The following DYNC2I2 variants were observed in gnomAD, a reference collection of about 807,000 sequenced individuals.
DYNC2I2 encodes the protein cytoplasmic dynein 2 intermediate chain 2.
Under a neutral mutation model 52.0 loss-of-function variants are expected in DYNC2I2, and 39 were observed. The observed-to-expected ratio is 0.75, with a 90% CI of 0.58 to 0.98. DYNC2I2 has a LOEUF of 0.98. Among genes scored for constraint, DYNC2I2 ranks in the 50% least tolerant of loss-of-function variants. The pLI is 0.00. For synonymous variants in DYNC2I2, 359 were observed against 321.1 expected (o/e 1.12, Z -1.26); for missense variants, 743 against 728.4 (o/e 1.02, Z -0.23).
intron 1 of DYNC2I2, among the ~76,000 whole-genome samples, chr9:128,649,791 A>G (rs373265841): frequency 2.4e-5 from 1 of 42,262 alleles, no homozygotes; most frequent in South Asian, 8.7e-4. Flanking sequence ...TCAGGAGTTC[A>G]AGACCAGCCT....
chr9:128,641,651 G>A (rs1250298462), intron 1 of DYNC2I2, among the ~76,000 whole-genome samples: 2 of 152,148 alleles, frequency 1.3e-5, no homozygotes, highest in Non-Finnish European at 1.5e-5. Flanking sequence ...TGCTATCTGT[G>A]AGGGGCTCTC....
chr9:128,676,789 T>C, the DYNC2I2 span, among the ~76,000 whole-genome samples: 1 of 150,954 alleles, frequency 6.6e-6, no homozygotes, highest in Admixed American at 6.6e-5. Flanking sequence ...TGCCTCAGCC[T>C]CCCCAAGTGT....
intron 1 of DYNC2I2, among the ~76,000 whole-genome samples, chr9:128,647,823 G>T (rs1860644893): frequency 6.6e-6 from 1 of 151,610 alleles, no homozygotes; most frequent in South Asian, 2.1e-4. Context: ...GAGGGAATCA[G>T]AGAACAGTAA....
chr9:128,653,871 C>T (rs767060045), intron 1 of DYNC2I2, among the ~76,000 whole-genome samples: 2 of 151,940 alleles, frequency 1.3e-5, no homozygotes, highest in Admixed American at 6.6e-5. Context: ...ATTGACCAGG[C>T]GTGGTGGCGG....
chr9:128,672,213 G>A, the DYNC2I2 span, among the ~76,000 whole-genome samples: 6 of 151,396 alleles, frequency 4.0e-5, no homozygotes, highest in African/African-American at 1.5e-4. Context: ...CTCGTGATCC[G>A]CCCGTCTCGG....
At chr9:128,677,010 G>A in the DYNC2I2 span, among the ~76,000 whole-genome samples, 58 of 151,832 alleles carry the variant, frequency 3.8e-4, no homozygotes, top group Non-Finnish European at 6.0e-4. Flanking sequence ...CACCACGGCC[G>A]GCTAATTTTT....
intron 2 of DYNC2I2, 110 bp downstream of exon 2, chr9:128,640,581 T>C (rs980188620): frequency 8.6e-6 from 13 of 1,505,844 alleles, no homozygotes; most frequent in Non-Finnish European, 1.2e-5. Flanking sequence ...AGCCTGGTGA[T>C]TGCTGGCCGT....
At chr9:128,676,602 G>C in the DYNC2I2 span, among the ~76,000 whole-genome samples, 1 of 150,836 alleles carries the variant, frequency 6.6e-6, no homozygotes, top group Admixed American at 6.6e-5. Context: ...TGTGATCTCA[G>C]CTCACTGCTA....
intron 1 of DYNC2I2, among the ~76,000 whole-genome samples, chr9:128,654,325 C>A (rs1860776043): frequency 6.6e-6 from 1 of 152,184 alleles, no homozygotes; most frequent in African/African-American, 2.4e-5. Flanking sequence ...CAGGTTCATG[C>A]AGCAAGCTAA....
the DYNC2I2 span, among the ~76,000 whole-genome samples, chr9:128,678,705 A>G: frequency 1.3e-5 from 2 of 150,194 alleles, no homozygotes; most frequent in East Asian, 4.1e-4. Context: ...CAAGTGATCC[A>G]CCTGCCTCAG....
the DYNC2I2 span, among the ~76,000 whole-genome samples, chr9:128,681,666 C>A: frequency 1.2e-4 from 18 of 152,140 alleles, no homozygotes; most frequent in Non-Finnish European, 2.1e-4. Flanking sequence ...CTTAGTTGTA[C>A]CAATCTACCT....
At chr9:128,658,078 G>A (rs1288209550), upstream of DYNC2I2, among the ~76,000 whole-genome samples, 5 of 151,862 alleles carry the variant, frequency 3.3e-5, no homozygotes, top group African/African-American at 1.2e-4. Flanking sequence ...CTGGACAAGA[G>A]AGTGAGACCC....
At chr9:128,659,297 C>T (rs1860890490), upstream of DYNC2I2, among the ~76,000 whole-genome samples, 1 of 151,186 alleles carries the variant, frequency 6.6e-6, no homozygotes, top group Non-Finnish European at 1.5e-5. Context: ...AGATCGAGAC[C>T]ATCCTGGCTA....
At chr9:128,676,937 C>T in the DYNC2I2 span, among the ~76,000 whole-genome samples, 1 of 152,048 alleles carries the variant, frequency 6.6e-6, no homozygotes, top group South Asian at 2.1e-4. Context: ...CAAGCTCCAC[C>T]TCCTGGGTTC....
the DYNC2I2 span, chr9:128,663,235 G>A: frequency 6.6e-6 from 1 of 151,978 alleles, no homozygotes; most frequent in African/African-American, 2.4e-5. Context: ...GACAAACAAT[G>A]GCCACCCCCT....
At chr9:128,649,544 C>G (rs1047303773) in intron 1 of DYNC2I2, among the ~76,000 whole-genome samples, 1 of 151,030 alleles carries the variant, frequency 6.6e-6, no homozygotes, top group African/African-American at 2.4e-5. Flanking sequence ...CAAAAAAGAG[C>G]CAGGCCTAGT....
At chr9:128,642,584 T>C (rs185201811) in intron 1 of DYNC2I2, among the ~76,000 whole-genome samples, 7,449 of 151,010 alleles carry the variant, frequency 0.049, 257 homozygotes, top group East Asian at 0.14. Context: ...TCCTGGCTAA[T>C]ACGGTGAAAC....
At chr9:128,678,401 A>G in the DYNC2I2 span, among the ~76,000 whole-genome samples, 1 of 150,132 alleles carries the variant, frequency 6.7e-6, no homozygotes, top group Non-Finnish European at 1.5e-5. Context: ...AGGTGCAAAA[A>G]AACTTAATTT....
chr9:128,641,214 T>TGCC (rs920732835), intron 1 of DYNC2I2, among the ~76,000 whole-genome samples: 2 of 152,120 alleles, frequency 1.3e-5, no homozygotes, highest in Admixed American at 1.3e-4. Flanking sequence ...AGTGAGACCC[T>TGCC]GCCCCAAGAC....
Sources: allele counts gnomAD v4.1 joint callset (sites outside exome capture counted in the v4.1 genomes callset), GRCh38; gene constraint gnomAD v4.1.1; transcripts MANE v1.5; gene names NCBI Gene and HGNC (gene_info 2026-07-23, HGNC 2026-07-21).